IWS1: variants seen among roughly 807,000 people sequenced by gnomAD.
The protein encoded by IWS1 is interacts with SUPT6H, CTD assembly factor 1.
IWS1 carries 27 observed loss-of-function variants against 86.7 expected under a neutral mutation model. The observed-to-expected ratio is 0.31, with a 90% confidence interval of 0.23 to 0.43. The LOEUF (loss-of-function observed/expected upper bound fraction) is 0.43. Among genes scored for constraint, IWS1 ranks in the 20% least tolerant of loss-of-function variants. The pLI is 1.00. For missense variants in IWS1, 827 were observed against 1,000.8 expected (o/e 0.83, Z 2.34); for synonymous variants, 313 against 335.1 (o/e 0.93, Z 0.72).
At chr2:127,485,566 T>A (rs1558738724) in intron 13 of IWS1, among the ~76,000 whole-genome samples, 1 of 152,128 alleles carries the variant, frequency 6.6e-6, no homozygotes, top group Non-Finnish European at 1.5e-5. Context: ...GTAACACATA[T>A]CACTGTAATT....
intron 13 of IWS1, among the ~76,000 whole-genome samples, chr2:127,483,506 C>A (rs1005171571): frequency 6.9e-6 from 1 of 145,798 alleles, no homozygotes; most frequent in Non-Finnish European, 1.5e-5. Context: ...CATTATGCAG[C>A]CATTAAAAAT....
Position 127,505,804 on chromosome 2 carries a change from TTAA to T in IWS1, c.151-55_151-53del, listed in dbSNP as rs749529647. On this transcript the variant is annotated intron_variant, in intron 2 of 13. Transcript: ENST00000295321. The surrounding 1 kb of genome is among the most constrained non-coding windows in gnomAD (Gnocchi z 5.0). ...GGAAAGTGCAAAAAAAAAAAAACCATTAATAATAAAACATTAAATTTTTTCTGT... is the reference window on the plus strand; with the variant it reads ...GGAAAGTGCAAAAAAAAAAAAACCATTAATAAAACATTAAATTTTTTCTGT... The T allele has an allele frequency of 7.1e-6, 8 of 1,122,862 alleles. No homozygotes were observed. Among genetic ancestry groups the T allele is most frequent in the East Asian group, 4.8e-5 (2 of 41,338 alleles). The allele number at this position is 1,122,862 out of a possible 1,614,324, so 69.6% of individuals were successfully genotyped here. A position where few individuals can be genotyped will look rare whatever the true frequency, so the allele number is the denominator to read the frequency against.
At chr2:127,523,487 C>T (rs1487571518) in intron 2 of IWS1, among the ~76,000 whole-genome samples, 189 bp downstream of exon 2, 1 of 152,214 alleles carries the variant, frequency 6.6e-6, no homozygotes, top group African/African-American at 2.4e-5. Flanking sequence ...GAACATATTT[C>T]ACTGTGATTT....
intron 5 of IWS1, chr2:127,498,669 T>A (rs549174274): frequency 5.8e-5 from 9 of 154,042 alleles, no homozygotes; most frequent in Admixed American, 3.9e-4. Context: ...GTTTTATGTA[T>A]ATGAAATTGC....
chr2:127,515,310 T>G (rs1487403565), intron 2 of IWS1, among the ~76,000 whole-genome samples: 2 of 152,324 alleles, frequency 1.3e-5, no homozygotes, highest in African/African-American at 4.8e-5. Flanking sequence ...CTAAATGTCC[T>G]GTTAATATAC....
chr2:127,511,701 TAAA>T (rs1300924560), intron 2 of IWS1, among the ~76,000 whole-genome samples: 3 of 152,142 alleles, frequency 2.0e-5, no homozygotes, highest in Admixed American at 6.5e-5. Flanking sequence ...ATACACTCAC[TAAA>T]ATGAAGAAAC....
In IWS1 at chr2:127,502,840, C is replaced by G; in HGVS notation, c.1442G>C (p.Gly481Ala). 1.3e-6 allele frequency: 2 copies of G among 1,544,266 alleles called. No homozygotes were observed. Among genetic ancestry groups the G allele is most frequent in the Non-Finnish European group, 1.8e-6 (2 of 1,119,062 alleles). ...TGTAAATTCTTCTTCCTCTTCATCA[C>G]CAGATTCTCCAAATATGTCTGCAAT... The part of the protein sequence containing the change: ...NLIADIFGES[G>A]DEEEEEFTGF... Residue 481 changes from glycine (G) to alanine (A), a missense_variant, in exon 5 of 14, where the codon GGT becomes GCT. Gly to Ala is a moderately conservative substitution (Grantham distance 60). This residue lies in a region of IWS1 where 279 missense variants were observed against 440.6 expected (regional missense o/e 0.63). Transcript: ENST00000295321.
Position 127,514,093 on chromosome 2 carries a change from C to G in IWS1, c.151-8341G>C, listed in dbSNP as rs151223256. On this transcript the variant is annotated intron_variant, in intron 2 of 13. Transcript: ENST00000295321. Reference sequence around the variant, plus strand: ...TGAATAATGCTAATTTTTAACTAATCAAATGTTGCCTTTCCCAAGGCTACC... The same window carrying G: ...TGAATAATGCTAATTTTTAACTAATGAAATGTTGCCTTTCCCAAGGCTACC... 1.4e-4 allele frequency among the ~76,000 whole-genome samples: 21 copies of G among 152,310 alleles called. 1 individual carries two copies. The East Asian group carries it at 3.9e-3, about 28-fold the overall frequency.
At chr2:127,503,294 T>C in intron 4 of IWS1, 93 bp downstream of exon 4, 1 of 876,070 alleles carries the variant, frequency 1.1e-6, no homozygotes, top group Non-Finnish European at 1.7e-6. Flanking sequence ...CCCAAAGACA[T>C]GCAATTAGGC....
rs947988403 is a variant in IWS1 at position 127,499,139 on chromosome 2, A to G, written c.1468-902T>C. On this transcript the variant is annotated intron_variant, in intron 5 of 13. Transcript: ENST00000295321. The surrounding 1 kb of genome is among the most constrained non-coding windows in gnomAD (Gnocchi z 4.0). ...GGAGTCTCACTGTGTCGCCCAGGCCAGAGTGCAGTGGCGTGATCTCGGCTC... is the reference window on the plus strand; with the variant it reads ...GGAGTCTCACTGTGTCGCCCAGGCCGGAGTGCAGTGGCGTGATCTCGGCTC... 1.0e-4 allele frequency among the ~76,000 whole-genome samples: 15 copies of G among 146,400 alleles called. No homozygotes were observed. Among genetic ancestry groups the G allele is most frequent in the Non-Finnish European group, 1.9e-4 (13 of 67,216 alleles).
At chr2:127,483,353 T>C (rs1159163597) in intron 13 of IWS1, among the ~76,000 whole-genome samples, 1 of 152,006 alleles carries the variant, frequency 6.6e-6, no homozygotes, top group Non-Finnish European at 1.5e-5. Flanking sequence ...CCGGGTGTGG[T>C]GGCTCCCGCC....
chr2:127,510,820 C>T (rs932739659), intron 2 of IWS1, among the ~76,000 whole-genome samples: 1 of 152,166 alleles, frequency 6.6e-6, no homozygotes, highest in Non-Finnish European at 1.5e-5. Flanking sequence ...TTCCACTCAC[C>T]ATCAACCCTA....
At chr2:127,497,668 C>T (rs76739737) in intron 6 of IWS1, among the ~76,000 whole-genome samples, 4,740 of 152,256 alleles carry the variant, frequency 0.031, 246 homozygotes, top group African/African-American at 0.11. Flanking sequence ...AGCATCTTTA[C>T]GACTGAAAAC....
At chr2:127,495,314 A>G (rs761023089) in intron 7 of IWS1, among the ~76,000 whole-genome samples, 1 of 152,244 alleles carries the variant, frequency 6.6e-6, no homozygotes, top group Non-Finnish European at 1.5e-5. Flanking sequence ...GTTATATGAT[A>G]TTGGAATATA....
At chr2:127,512,063 G>A (rs984163431) in intron 2 of IWS1, among the ~76,000 whole-genome samples, 1 of 152,200 alleles carries the variant, frequency 6.6e-6, no homozygotes, top group African/African-American at 2.4e-5. Flanking sequence ...AGAGAACCAT[G>A]AGAAGCCAGG....
intron 1 of IWS1, among the ~76,000 whole-genome samples, chr2:127,525,918 T>C (rs1878843): frequency 0.018 from 2,677 of 152,324 alleles, 86 homozygotes; most frequent in African/African-American, 0.061. Context: ...CAATAGGAGC[T>C]TAACATATGA....
chr2:127,505,153 T>C lies in IWS1; in HGVS notation c.750A>G (p.Ser250=), dbSNP rs374404806. Residue 250 remains serine, a synonymous_variant, in exon 3 of 14, where the codon TCA becomes TCG. Transcript: ENST00000295321. The surrounding 1 kb of genome is among the most constrained non-coding windows in gnomAD (Gnocchi z 5.0). ...GGTGCCTCGGAGGGTCCTCACTTTCTGAGTCACTGATACGAGGTTTGGGAA... is the reference window on the plus strand; with the variant it reads ...GGTGCCTCGGAGGGTCCTCACTTTCCGAGTCACTGATACGAGGTTTGGGAA... ...EELPKPRISD[S]ESEDPPRHQA... 4 of 1,611,410 alleles carry C rather than the reference T, an allele frequency of 2.5e-6. No individual in the cohort carries two copies. The South Asian group carries it at 3.3e-5, about 13-fold the overall frequency.
intron 12 of IWS1, among the ~76,000 whole-genome samples, chr2:127,487,533 C>T (rs1383009961): frequency 1.3e-5 from 2 of 152,130 alleles, no homozygotes; most frequent in Non-Finnish European, 2.9e-5. Flanking sequence ...TCAATTGTTT[C>T]TATTCTCTTG....
At chr2:127,509,428 G>A (rs974675271) in intron 2 of IWS1, among the ~76,000 whole-genome samples, 4 of 152,106 alleles carry the variant, frequency 2.6e-5, no homozygotes, top group Non-Finnish European at 5.9e-5. Flanking sequence ...CTATAATGCC[G>A]CCGGGCGCAG....
Sources: gnomAD v4.1 joint callset for allele counts (sites outside exome capture counted in the v4.1 genomes callset) on GRCh38, gnomAD v4.1.1 for gene constraint, gnomAD v4.1.1 regional missense constraint, Gnocchi (gnomAD v3.1) non-coding constraint, MANE v1.5 for transcripts, NCBI Gene and HGNC (gene_info 2026-07-23, HGNC 2026-07-21) for gene names.